MYOM3: variants seen among roughly 807,000 people sequenced by gnomAD.
MYOM3 encodes myomesin-3.
In MYOM3, 155 loss-of-function variants were observed where a neutral mutation model predicts 191.7. That is an observed-to-expected ratio of 0.81 (90% confidence interval 0.71 to 0.92). The LOEUF (loss-of-function observed/expected upper bound fraction) is 0.92. Ranked by LOEUF, MYOM3 falls within the 40% of genes least tolerant of loss-of-function variation. MYOM3 has a pLI of 0.00. For missense variants in MYOM3, 1,889 were observed against 1,890.6 expected (o/e 1.00, Z 0.02); for synonymous variants, 757 against 762.9 (o/e 0.99, Z 0.13).
intron 35 of MYOM3, among the ~76,000 whole-genome samples, chr1:24,059,996 C>T (rs942508888): frequency 6.6e-6 from 1 of 152,194 alleles, no homozygotes; most frequent in Admixed American, 6.5e-5. Context: ...TGTCACCAAC[C>T]CTTCACAGCT....
Position 24,084,555 on chromosome 1 carries a change from G to T in MYOM3, c.1883C>A (p.Pro628Gln), listed in dbSNP as rs200097927. Reference protein sequence around the residue: ...VSLTWDPVKDPELLGYYIYSR... With the variant: ...VSLTWDPVKDQELLGYYIYSR... ...GTAGATGTAATAACCCAGGAGCTCT[G>T]GGTCTTTCACAGGATCCCATGTCAG... The change falls in exon 16 of 37, where the codon CCA (proline) becomes CAA (glutamine). Residue 628 changes from proline (P) to glutamine (Q), a missense_variant. Coordinates refer to ENST00000374434, the MANE Select transcript of MYOM3 (RefSeq NM_152372.4). 2 of 1,614,088 alleles carry T rather than the reference G, an allele frequency of 1.2e-6. No homozygotes were observed. Among genetic ancestry groups the T allele is most frequent in the Non-Finnish European group, 1.7e-6 (2 of 1,180,008 alleles).
intron 20 of MYOM3, among the ~76,000 whole-genome samples, chr1:24,078,289 AT>A (rs1022050889): frequency 6.6e-5 from 10 of 151,364 alleles, no homozygotes; most frequent in Non-Finnish European, 1.3e-4. Context: ...TAATTTTTGT[AT>A]TTTTTTTGTA....
chr1:24,092,287 TG>T lies in MYOM3; in HGVS notation c.1118del (p.Pro373GlnfsTer5). ...RDAEAENPGA[P>X]GSPLNVRCLD... ...GGCATCGGACGTTCAGTGGGGAGCC[TG>T]GGGCCCCGGGGTTCTCGGCCTCGGC... is the stretch of plus-strand genomic sequence containing the variant. On this transcript the variant is annotated frameshift_variant, in exon 11 of 37. Transcript: ENST00000374434. LOFTEE classifies it high-confidence loss of function. The T allele has an allele frequency of 2.2e-6, 3 of 1,365,540 alleles. No homozygotes were observed. The highest frequency in any genetic ancestry group is 1.9e-6 in the Non-Finnish European group (2 of 1,048,496). 84.6% of individuals were successfully genotyped at this position (1,365,540 alleles called of 1,614,324 possible).
At chr1:24,077,363 C>A (rs1243549600) in intron 20 of MYOM3, among the ~76,000 whole-genome samples, 1 of 152,200 alleles carries the variant, frequency 6.6e-6, no homozygotes, top group South Asian at 2.1e-4. Context: ...CCTAACCTGG[C>A]CTTAGCCTGT....
chr1:24,092,363 G>T (rs755690388), intron 10 of MYOM3, 48 bp from the exon 11 acceptor site: 5 of 1,333,394 alleles, frequency 3.7e-6, no homozygotes, highest in Non-Finnish European at 4.8e-6. Context: ...GTGGCCATTT[G>T]GTGACAGGCC....
chr1:24,063,161 G>T lies in MYOM3; in HGVS notation c.3735C>A (p.Tyr1245Ter), dbSNP rs1474632364. 1.2e-6 allele frequency: 2 copies of T among 1,613,834 alleles called. No individual in the cohort carries two copies. The highest frequency in any genetic ancestry group is 1.1e-5 in the South Asian group (1 of 91,070). Residue 1245 changes from tyrosine (Y) to a stop codon, truncating the protein, a stop_gained, in exon 32 of 37, where the codon TAC (tyrosine) becomes TAA (stop). Transcript: ENST00000374434. LOFTEE classifies it high-confidence loss of function. The surrounding 1 kb of genome is among the most constrained non-coding windows in gnomAD (Gnocchi z 4.5). ...GIRIFSKVKY[Y>*]NVEYMKTTWF... ...AGGTGGTTTTCATGTACTCCACGTT[G>T]TAGTACTTGACCTTGCTGAAGATCC...
At chr1:24,095,333 C>T (rs537792036) in intron 8 of MYOM3, 109 bp downstream of exon 8, 65 of 1,087,518 alleles carry the variant, frequency 6.0e-5, no homozygotes, top group South Asian at 5.3e-4. Flanking sequence ...CCCCGGTGGA[C>T]GTCCTTTTAT....
In MYOM3 at chr1:24,056,129, C is replaced by T. The variant is rs1195145933; in HGVS notation, c.*1235G>A. On this transcript the variant is annotated 3_prime_UTR_variant, in exon 37 of 37. Transcript: ENST00000374434. ...CAACAAACATCTATAATTTTATGAACACTCCCCATCTTATTTTTAAAAAGA... is the reference window on the plus strand; with the variant it reads ...CAACAAACATCTATAATTTTATGAATACTCCCCATCTTATTTTTAAAAAGA... The T allele has an allele frequency of 6.6e-6, 1 of 152,162 alleles. No individual in the cohort carries two copies. 9.4% of individuals were successfully genotyped at this position (152,162 alleles called of 1,614,324 possible). A position where few individuals can be genotyped will look rare whatever the true frequency, so the allele number is the denominator to read the frequency against.
At chr1:24,066,362 C>A in intron 28 of MYOM3, 1 of 638,322 alleles carries the variant, frequency 1.6e-6, no homozygotes. Context: ...CATGGGCTCC[C>A]AAGGCCCACA....
intron 17 of MYOM3, 118 bp from the exon 18 acceptor site, chr1:24,082,306 T>C: frequency 9.6e-7 from 1 of 1,036,692 alleles, no homozygotes; most frequent in Non-Finnish European, 1.4e-6. Context: ...TCCAGGGGTT[T>C]TTCCCTGAGC....
intron 8 of MYOM3, among the ~76,000 whole-genome samples, chr1:24,095,217 T>C (rs1196618194): frequency 1.3e-5 from 2 of 152,166 alleles, no homozygotes; most frequent in South Asian, 4.1e-4. Context: ...GGCTTTGCCT[T>C]TCAAACCCAG....
chr1:24,101,119 T>C (rs367795746), intron 5 of MYOM3, among the ~76,000 whole-genome samples: 1 of 152,128 alleles, frequency 6.6e-6, no homozygotes, highest in East Asian at 1.9e-4. Flanking sequence ...TGGCTGCTCC[T>C]GATGACACCC....
At chr1:24,082,486 A>T in intron 17 of MYOM3, 107 bp downstream of exon 17, 1 of 1,399,766 alleles carries the variant, frequency 7.1e-7, no homozygotes, top group Non-Finnish European at 9.4e-7. Context: ...CAGAGGGCGT[A>T]TGTGCCACTG....
Position 24,111,619 on chromosome 1 carries a change from G to A in MYOM3, c.-19+412C>T, listed in dbSNP as rs1033223068. Among the ~76,000 whole-genome samples, 15 of 152,306 alleles carry A rather than the reference G, an allele frequency of 9.8e-5. No homozygotes were observed. Among genetic ancestry groups the A allele is most frequent in the Admixed American group, 4.6e-4 (7 of 15,292 alleles). ...GCTCGCTCTCTTTCCCTGCCTGTGGGGTTGGCCAAGCCGGGCTCAGCCAGC... is the reference window on the plus strand; with the variant it reads ...GCTCGCTCTCTTTCCCTGCCTGTGGAGTTGGCCAAGCCGGGCTCAGCCAGC... On this transcript the variant is annotated intron_variant, in intron 1 of 36. Transcript: ENST00000374434. The surrounding 1 kb of genome is among the most constrained non-coding windows in gnomAD (Gnocchi z 4.7).
chr1:24,089,140 G>A (rs549189501), intron 14 of MYOM3, among the ~76,000 whole-genome samples: 1 of 152,158 alleles, frequency 6.6e-6, no homozygotes, highest in Non-Finnish European at 1.5e-5. Context: ...GCTGGTGCCT[G>A]TCCCTGGCTG....
At chr1:24,086,187 G>A (rs1399162826) in intron 15 of MYOM3, among the ~76,000 whole-genome samples, 4 of 152,148 alleles carry the variant, frequency 2.6e-5, no homozygotes, top group African/African-American at 9.7e-5. Context: ...GTGCAGCTTG[G>A]AAATGACTCT....
chr1:24,068,083 G>T (rs535191245), intron 26 of MYOM3, 54 bp from the exon 27 acceptor site: 1 of 1,601,900 alleles, frequency 6.2e-7, no homozygotes, highest in East Asian at 2.2e-5. Flanking sequence ...TGGGTCTGGA[G>T]AGGGGACATG....
At position 24,062,918 on chromosome 1, in the gene MYOM3, C is replaced by T. The variant is rs78313704; in HGVS notation, c.3770+208G>A. Reference sequence around the variant, plus strand: ...TCTCGGCAAAGCCTTTCTACTCCTCCCACTGCTAATCTCTATCCTCAACTC... The same window carrying T: ...TCTCGGCAAAGCCTTTCTACTCCTCTCACTGCTAATCTCTATCCTCAACTC... On this transcript the variant is annotated intron_variant, in intron 32 of 36. Coordinates refer to ENST00000374434, the MANE Select transcript of MYOM3 (RefSeq NM_152372.4). Among the ~76,000 whole-genome samples, 450 of 152,288 alleles carry T rather than the reference C, an allele frequency of 3.0e-3. 10 individuals are homozygous for T. In the South Asian group the frequency reaches 0.056, roughly 19 times the overall value.
rs538009618 is a variant in MYOM3, at chr1:24,057,483, T to G, written c.4195A>C (p.Ser1399Arg). Residue 1399 changes from serine to arginine, a missense_variant, in exon 37 of 37, where the codon AGT becomes CGT. By Grantham distance (110) the Ser-to-Arg change is moderately radical (BLOSUM62 -1). Coordinates refer to ENST00000374434, the MANE Select transcript of MYOM3 (RefSeq NM_152372.4). ...EVTITIEKVN[S>R]EDSGRYGVFV... ...ACGCCGTAGCGGCCGCTGTCTTCAC[T>G]GTTGACCTTCTCAATGGTGATGGTG... The G allele has an allele frequency of 2.5e-6, 4 of 1,614,224 alleles. No homozygotes were observed. The African/African-American group carries it at 5.3e-5, about 22-fold the overall frequency.
Sources: allele counts gnomAD v4.1 joint callset (sites outside exome capture counted in the v4.1 genomes callset), GRCh38; gene constraint gnomAD v4.1.1; non-coding constraint Gnocchi (gnomAD v3.1); transcripts MANE v1.5; gene names NCBI Gene and HGNC (gene_info 2026-07-23, HGNC 2026-07-21).